Variants in SHISA9 observed in about 807,000 individuals in gnomAD.
SHISA9 encodes the protein protein shisa-9.
In SHISA9, 13 loss-of-function variants were observed where a neutral mutation model predicts 38.0. The ratio of observed to expected loss-of-function variants is 0.34; its 90% CI spans 0.22 to 0.54. The LOEUF is 0.54. Among genes scored for constraint, SHISA9 ranks in the 20% least tolerant of loss-of-function variants. The pLI, the probability that SHISA9 is intolerant of heterozygous loss-of-function variation, is 0.91. For missense variants in SHISA9, 538 were observed against 575.8 expected (o/e 0.93, Z 0.67); for synonymous variants, 275 against 242.0 (o/e 1.14, Z -1.27).
the SHISA9 span, among the ~76,000 whole-genome samples, chr16:13,523,489 A>G: frequency 6.6e-6 from 1 of 152,204 alleles, no homozygotes; most frequent in African/African-American, 2.4e-5. Flanking sequence ...TAATTCATTC[A>G]TAGTTCTGCA....
chr16:13,186,288 CTTTTTTTT>C (rs113608898), intron 2 of SHISA9, among the ~76,000 whole-genome samples: 21,598 of 105,368 alleles, frequency 0.2, 2,134 homozygotes, highest in African/African-American at 0.32. Flanking sequence ...CCATCTTAAC[CTTTTTTTT>C]TTTTTTTTTT....
chr16:13,393,739 G>C, the SHISA9 span, among the ~76,000 whole-genome samples: 1 of 152,190 alleles, frequency 6.6e-6, no homozygotes, highest in Non-Finnish European at 1.5e-5. Context: ...GTAACTGAGA[G>C]TCTGGAGGGA....
chr16:13,412,736 A>T, the SHISA9 span, among the ~76,000 whole-genome samples: 1 of 151,778 alleles, frequency 6.6e-6, no homozygotes, highest in African/African-American at 2.4e-5. Context: ...ACACACTGGT[A>T]GTTCCAGGTA....
At chr16:13,555,675 A>G in the SHISA9 span, among the ~76,000 whole-genome samples, 21 of 152,166 alleles carry the variant, frequency 1.4e-4, no homozygotes, top group Non-Finnish European at 1.9e-4. Flanking sequence ...GCCATTTGTC[A>G]TAGTGGAGCA....
chr16:13,372,207 C>T, the SHISA9 span, among the ~76,000 whole-genome samples: 3 of 152,274 alleles, frequency 2.0e-5, no homozygotes, highest in Admixed American at 2.0e-4. Context: ...TTGAAAGTCT[C>T]CAGGTGGGTA....
intron 2 of SHISA9, among the ~76,000 whole-genome samples, chr16:13,098,594 G>T (rs1358697686): frequency 1.3e-5 from 2 of 152,194 alleles, no homozygotes; most frequent in Non-Finnish European, 2.9e-5. Context: ...ACAGGAAGGA[G>T]GCCTGGAGAA....
At chr16:13,416,818 G>C in the SHISA9 span, among the ~76,000 whole-genome samples, 1 of 144,752 alleles carries the variant, frequency 6.9e-6, no homozygotes, top group East Asian at 2.0e-4. Context: ...GGAAGGGAAG[G>C]AATGAAGGAA....
chr16:13,547,844 C>T, the SHISA9 span, among the ~76,000 whole-genome samples: 4,983 of 141,874 alleles, frequency 0.035, 208 homozygotes, highest in African/African-American at 0.1. Context: ...CAAAGACATT[C>T]TTCACAGAAA....
the SHISA9 span, among the ~76,000 whole-genome samples, chr16:13,451,207 G>A: frequency 2.6e-5 from 4 of 152,224 alleles, no homozygotes; most frequent in South Asian, 4.2e-4. Context: ...GGAGTTCCCC[G>A]GGAGGATTAT....
intron 2 of SHISA9, among the ~76,000 whole-genome samples, chr16:13,057,270 G>A (rs1433755514): frequency 1.3e-5 from 2 of 152,212 alleles, no homozygotes; most frequent in South Asian, 4.1e-4. Context: ...GCCCTGGATG[G>A]ATGGGATGGG....
At chr16:12,990,934 C>G (rs1450263766) in intron 2 of SHISA9, among the ~76,000 whole-genome samples, 1 of 152,172 alleles carries the variant, frequency 6.6e-6, no homozygotes, top group African/African-American at 2.4e-5. Flanking sequence ...ATTATAACTT[C>G]TTTGAAAGAT....
At chr16:13,394,947 G>GTT in the SHISA9 span, among the ~76,000 whole-genome samples, 27 of 150,850 alleles carry the variant, frequency 1.8e-4, no homozygotes, top group Non-Finnish European at 3.7e-4. Context: ...GTGTGTGTGT[G>GTT]TGTGTGTGTG....
At chr16:12,968,405 T>C (rs563725021) in intron 2 of SHISA9, among the ~76,000 whole-genome samples, 42 of 152,216 alleles carry the variant, frequency 2.8e-4, no homozygotes, top group African/African-American at 9.9e-4. Flanking sequence ...TCTACGTATA[T>C]GATGGATTAC....
the SHISA9 span, among the ~76,000 whole-genome samples, chr16:13,315,654 C>T: frequency 6.6e-6 from 1 of 152,250 alleles, no homozygotes; most frequent in Middle Eastern, 3.4e-3. Context: ...AATAGGATAC[C>T]TACCTCAAGG....
intron 2 of SHISA9, among the ~76,000 whole-genome samples, chr16:13,184,588 TC>T (rs758819349): frequency 6.6e-6 from 1 of 152,210 alleles, no homozygotes; most frequent in Non-Finnish European, 1.5e-5. Context: ...GTAGTTTTGT[TC>T]CCCCACCACC....
the SHISA9 span, among the ~76,000 whole-genome samples, chr16:13,329,431 T>C: frequency 9.2e-5 from 14 of 152,326 alleles, no homozygotes; most frequent in South Asian, 4.1e-4. Flanking sequence ...GGGTTAAGGA[T>C]ACAGATTAAA....
At chr16:12,926,209 T>C (rs950493393) in intron 2 of SHISA9, among the ~76,000 whole-genome samples, 12 of 152,244 alleles carry the variant, frequency 7.9e-5, no homozygotes, top group Non-Finnish European at 1.6e-4. Context: ...CCTTATACTC[T>C]AGTTATGACC....
chr16:13,111,357 A>C (rs973087295), intron 2 of SHISA9, among the ~76,000 whole-genome samples: 2 of 151,690 alleles, frequency 1.3e-5, no homozygotes, highest in African/African-American at 2.4e-5. Context: ...AAAAAAAAAA[A>C]AACCCAAAAA....
the SHISA9 span, chr16:13,458,433 C>A: frequency 7.7e-6 from 3 of 388,312 alleles, no homozygotes; most frequent in Non-Finnish European, 1.5e-5. Context: ...TTACTGAAAA[C>A]CTTCAGTCTC....
Sources: gnomAD v4.1 joint callset for allele counts (sites outside exome capture counted in the v4.1 genomes callset) on GRCh38, gnomAD v4.1.1 for gene constraint, MANE v1.5 for transcripts, NCBI Gene and HGNC (gene_info 2026-07-23, HGNC 2026-07-21) for gene names.